The following PRKG1 variants were observed in gnomAD, a reference collection of about 807,000 sequenced individuals.
The protein encoded by PRKG1 is cGMP-dependent protein kinase 1.
A neutral mutation model predicts 88.1 loss-of-function variants in PRKG1; 35 were observed. The ratio of observed to expected loss-of-function variants is 0.40; its 90% CI spans 0.30 to 0.53. PRKG1 has a LOEUF of 0.53. Among genes scored for constraint, PRKG1 ranks in the 20% least tolerant of loss-of-function variants. The pLI, the probability that PRKG1 is intolerant of heterozygous loss-of-function variation, is 0.59. For missense variants in PRKG1, 540 were observed against 839.8 expected, an observed-to-expected ratio of 0.64 and a Z score of 4.41; for synonymous variants, 303 against 292.5, an observed-to-expected ratio of 1.04 and a Z score of -0.37.
chr10:52,153,623 T>C (rs1020940874), intron 8 of PRKG1, among the ~76,000 whole-genome samples: 14 of 152,368 alleles, frequency 9.2e-5, no homozygotes, highest in South Asian at 4.1e-4. Context: ...AGCTGTTTTA[T>C]GTTTTGTTTA....
Position 51,074,583 on chromosome 10 carries a change from G to A in PRKG1, c.-8G>A, listed in dbSNP as rs1252103357. On this transcript the variant is annotated 5_prime_UTR_variant, in exon 1 of 18. Transcript: ENST00000373980. ...GGCAGGAAGGAGCCCCCGGCAGCCC[G>A]GAGGAGCATGGGCACCTTGCGGGAT... 10 of 1,603,756 alleles carry A rather than the reference G, an allele frequency of 6.2e-6. No individual in the cohort carries two copies. The highest frequency in any genetic ancestry group is 8.5e-6 in the Non-Finnish European group (10 of 1,172,432).
intron 3 of PRKG1, among the ~76,000 whole-genome samples, chr10:51,673,654 G>A (rs1223543158): frequency 3.3e-5 from 5 of 152,120 alleles, no homozygotes; most frequent in Admixed American, 6.6e-5. Context: ...TGTTTTTAAA[G>A]AATATCTTAT....
chr10:51,264,904 G>A (rs1049490736), intron 2 of PRKG1, among the ~76,000 whole-genome samples: 5 of 152,020 alleles, frequency 3.3e-5, no homozygotes, highest in Admixed American at 2.0e-4. Flanking sequence ...TTCAGTGGTG[G>A]CAATTATTCA....
At chr10:51,485,453 A>G (rs1024546130) in intron 3 of PRKG1, among the ~76,000 whole-genome samples, 2 of 152,196 alleles carry the variant, frequency 1.3e-5, no homozygotes, top group African/African-American at 4.8e-5. Context: ...CTTGGAAATA[A>G]TTAGATAGCT....
chr10:52,088,128 C>T (rs914193369), intron 7 of PRKG1, among the ~76,000 whole-genome samples: 5 of 152,032 alleles, frequency 3.3e-5, no homozygotes, highest in African/African-American at 9.7e-5. Context: ...TCAGATTAAC[C>T]TTTATATATG....
intron 9 of PRKG1, among the ~76,000 whole-genome samples, chr10:52,202,474 A>T (rs1839703163): frequency 1.3e-5 from 2 of 151,978 alleles, no homozygotes; most frequent in South Asian, 4.2e-4. Flanking sequence ...TTCATCAAGG[A>T]TATTGGCCTG....
At chr10:51,641,638 G>C (rs1166655536) in intron 3 of PRKG1, among the ~76,000 whole-genome samples, 2 of 152,110 alleles carry the variant, frequency 1.3e-5, no homozygotes, top group Admixed American at 1.3e-4. Context: ...TGGTGCAAAA[G>C]TAATTGCGGT....
intron 4 of PRKG1, among the ~76,000 whole-genome samples, chr10:51,898,985 A>C (rs1252929765): frequency 2.0e-5 from 3 of 152,216 alleles, no homozygotes; most frequent in Non-Finnish European, 4.4e-5. Flanking sequence ...AAAAAACATA[A>C]GACTAATACT....
At chr10:51,962,381 C>T (rs1385639205) in intron 5 of PRKG1, among the ~76,000 whole-genome samples, 1 of 151,972 alleles carries the variant, frequency 6.6e-6, no homozygotes, top group Non-Finnish European at 1.5e-5. Flanking sequence ...GATGGGTAGA[C>T]TCAATTTAGT....
intron 7 of PRKG1, among the ~76,000 whole-genome samples, chr10:52,070,108 CATTATT>C (rs1846459434): frequency 6.6e-6 from 1 of 152,102 alleles, no homozygotes; most frequent in African/African-American, 2.4e-5. Flanking sequence ...AAATATTAAT[CATTATT>C]ATTACTGTAT....
chr10:52,028,992 C>T (rs959472461), intron 5 of PRKG1, among the ~76,000 whole-genome samples: 11 of 152,128 alleles, frequency 7.2e-5, no homozygotes, highest in Non-Finnish European at 1.3e-4. Context: ...GATTTGAAAC[C>T]ATGACTCTTC....
chr10:51,971,452 A>G (rs1843712257), intron 5 of PRKG1, among the ~76,000 whole-genome samples: 1 of 152,094 alleles, frequency 6.6e-6, no homozygotes, highest in Admixed American at 6.6e-5. Flanking sequence ...TTGTTACCAA[A>G]TCTACAAATT....
At chr10:51,228,989 CT>C (rs765764771) in intron 2 of PRKG1, among the ~76,000 whole-genome samples, 14 of 152,278 alleles carry the variant, frequency 9.2e-5, no homozygotes, top group Admixed American at 4.6e-4. Flanking sequence ...GTGAAATGCA[CT>C]TTTCTACCTT....
chr10:51,729,522 C>T lies in PRKG1; in HGVS notation c.593-75063C>T, dbSNP rs191083455. On this transcript the variant is annotated intron_variant, in intron 3 of 17. Transcript: ENST00000373980. The stretch of plus-strand genomic sequence containing the variant: ...AGGAGTTCGAGACCAGCCTGACCAA[C>T]ATGGTGAAACCCTGTCTCTACTAAA... Among the ~76,000 whole-genome samples, 225 of 151,932 alleles carry T rather than the reference C, an allele frequency of 1.5e-3. 1 individual carries two copies. The highest frequency in any genetic ancestry group is 4.9e-3 in the African/African-American group (203 of 41,430).
At chr10:51,621,474 G>A (rs1390360563) in intron 3 of PRKG1, among the ~76,000 whole-genome samples, 2 of 152,064 alleles carry the variant, frequency 1.3e-5, no homozygotes, top group African/African-American at 4.8e-5. Flanking sequence ...AAATTTGAGA[G>A]ATGTCTAAAT....
At chr10:51,647,393 C>T (rs927878177) in intron 3 of PRKG1, among the ~76,000 whole-genome samples, 1 of 152,146 alleles carries the variant, frequency 6.6e-6, no homozygotes, top group African/African-American at 2.4e-5. Context: ...TTTGAACTTG[C>T]CTAACATGAG....
intron 3 of PRKG1, among the ~76,000 whole-genome samples, chr10:51,797,748 T>A (rs1372555726): frequency 1.3e-5 from 2 of 151,726 alleles, no homozygotes; most frequent in East Asian, 1.9e-4. Context: ...TCTTCATAAC[T>A]TTTTCATCAT....
Position 51,282,234 on chromosome 10 carries a change from A to G in PRKG1, c.478+128904A>G, listed in dbSNP as rs575808592. 2.3e-3 allele frequency among the ~76,000 whole-genome samples: 356 copies of G among 152,318 alleles called. 2 individuals are homozygous for G. The highest frequency in any genetic ancestry group is 8.3e-3 in the African/African-American group (344 of 41,586). On this transcript the variant is annotated intron_variant, in intron 2 of 17. Transcript: ENST00000373980. ...TTGGTTAAGTTCAACAGAGTAGAAA[A>G]TATGACAGGAATATGGCTTAATGAG...
intron 1 of PRKG1, among the ~76,000 whole-genome samples, chr10:51,002,146 G>A (rs1842896450): frequency 6.7e-6 from 1 of 150,236 alleles, no homozygotes; most frequent in Non-Finnish European, 1.5e-5. Context: ...GCTGAGAGGA[G>A]AAAACAGAGA....
Sources: allele counts gnomAD v4.1 joint callset (sites outside exome capture counted in the v4.1 genomes callset), GRCh38; gene constraint gnomAD v4.1.1; transcripts MANE v1.5; gene names NCBI Gene and HGNC (gene_info 2026-07-23, HGNC 2026-07-21).